Variants in TPRA1 observed in about 807,000 individuals in gnomAD.
TPRA1 encodes the protein transmembrane protein adipocyte associated 1, also known as transmembrane protein adipocyte-associated 1.
Under a neutral mutation model 40.1 loss-of-function variants are expected in TPRA1, and 28 were observed. The ratio of observed to expected loss-of-function variants is 0.70; its 90% CI spans 0.52 to 0.96. The LOEUF is 0.96. Ranked by LOEUF, TPRA1 falls within the 40% of genes least tolerant of loss-of-function variation. The probability of loss-of-function intolerance (pLI) is 0.00; values close to 1 mark genes in which losing one functional copy is unlikely to be tolerated. For synonymous variants in TPRA1, 219 were observed against 209.7 expected, an observed-to-expected ratio of 1.04 and a Z score of -0.38; for missense variants, 441 against 482.6, an observed-to-expected ratio of 0.91 and a Z score of 0.81.
intron 1 of TPRA1, among the ~76,000 whole-genome samples, chr3:127,597,543 G>C (rs2074256453): frequency 1.3e-5 from 2 of 152,210 alleles, no homozygotes; most frequent in African/African-American, 2.4e-5. Context: ...CCTAGGGTTA[G>C]TTCTTAGGGA....
intron 1 of TPRA1, chr3:127,588,008 G>A (rs918361481): frequency 6.6e-6 from 1 of 152,268 alleles, no homozygotes; most frequent in African/African-American, 2.4e-5. Context: ...CTCCAACCCT[G>A]GGAGGGAGGT....
upstream of TPRA1, among the ~76,000 whole-genome samples, chr3:127,594,206 C>T (rs1381189420): frequency 6.6e-6 from 1 of 152,234 alleles, no homozygotes; most frequent in African/African-American, 2.4e-5. Flanking sequence ...CACTCCATCA[C>T]AGAAGAGCAA....
chr3:127,577,451 G>C (rs1576371878), intron 3 of TPRA1, among the ~76,000 whole-genome samples: 1 of 152,324 alleles, frequency 6.6e-6, no homozygotes, highest in Non-Finnish European at 1.5e-5. Flanking sequence ...CTATAAAATG[G>C]GGGCAGAAAC....
chr3:127,585,406 G>A (rs1211370831), intron 1 of TPRA1, among the ~76,000 whole-genome samples: 2 of 152,360 alleles, frequency 1.3e-5, no homozygotes, highest in South Asian at 2.1e-4. Context: ...CAACCAGAAG[G>A]GTGTTACAAG....
intron 1 of TPRA1, among the ~76,000 whole-genome samples, chr3:127,586,082 A>C (rs759726018): frequency 3.3e-5 from 5 of 152,124 alleles, no homozygotes; most frequent in Non-Finnish European, 7.4e-5. Context: ...CCTGGCCAGC[A>C]GTTGGTTGAG....
chr3:127,596,427 G>A (rs1437317065), intron 1 of TPRA1, among the ~76,000 whole-genome samples: 3 of 152,188 alleles, frequency 2.0e-5, no homozygotes, highest in African/African-American at 7.2e-5. Flanking sequence ...AGCCCATGCA[G>A]AGTCTCTTCA....
rs535195999 is a variant in TPRA1 at position 127,586,324 on chromosome 3, C to T, written c.-18+4086G>A. 2.0e-5 allele frequency among the ~76,000 whole-genome samples: 3 copies of T among 152,292 alleles called. No homozygotes were observed. The East Asian group carries it at 5.8e-4, about 29-fold the overall frequency. ...TGAAGGAGGGAGATTCTACAGCCCTCTCCTCCCCACCCCATTATTTATTTA... is the reference window on the plus strand; with the variant it reads ...TGAAGGAGGGAGATTCTACAGCCCTTTCCTCCCCACCCCATTATTTATTTA... On this transcript the variant is annotated intron_variant, in intron 1 of 10. Coordinates refer to ENST00000355552, the MANE Select transcript of TPRA1 (RefSeq NM_001136053.4).
At chr3:127,578,540 T>TC in intron 3 of TPRA1, among the ~76,000 whole-genome samples, 1 of 152,236 alleles carries the variant, frequency 6.6e-6, no homozygotes, top group South Asian at 2.1e-4. Flanking sequence ...CTGCCTGCAC[T>TC]CCCCCTTACC....
At chr3:127,578,449 C>T (rs932940079) in intron 3 of TPRA1, among the ~76,000 whole-genome samples, 3 of 152,218 alleles carry the variant, frequency 2.0e-5, no homozygotes, top group Admixed American at 6.5e-5. Context: ...GCCTCCTGAA[C>T]TCTTTAGGAC....
rs377011200 is a variant in TPRA1 at position 127,577,027 on chromosome 3, G to A, written c.308C>T (p.Thr103Met). 3.2e-5 allele frequency: 52 copies of A among 1,613,646 alleles called. No individual in the cohort carries two copies. Among genetic ancestry groups the A allele is most frequent in the African/African-American group, 5.3e-5 (4 of 74,926 alleles). ...AGTTGCAGCGTTCGAGGTGCTCACC[G>A]TCATGGATACCACGGCCCGGGCAAT... is the stretch of plus-strand genomic sequence containing the variant. ...VGIARAVVSM[T>M]VSTSNAATVA... The change falls in exon 4 of 11, where the codon ACG (threonine) becomes ATG (methionine). Residue 103 changes from threonine to methionine, a missense_variant. Thr to Met is a moderately conservative substitution (Grantham distance 81). Coordinates refer to ENST00000355552, the MANE Select transcript of TPRA1 (RefSeq NM_001136053.4).
At chr3:127,582,752 G>A (rs1299224037) in intron 1 of TPRA1, among the ~76,000 whole-genome samples, 1 of 150,292 alleles carries the variant, frequency 6.7e-6, no homozygotes, top group Non-Finnish European at 1.5e-5. Flanking sequence ...TGTAATCCCA[G>A]CACTTTGGGA....
Position 127,576,573 on chromosome 3 carries a change from G to A in TPRA1, c.498+44C>T, listed in dbSNP as rs929279192. On this transcript the variant is annotated intron_variant, in intron 6 of 10. Coordinates refer to ENST00000355552, the MANE Select transcript of TPRA1 (RefSeq NM_001136053.4). The surrounding 1 kb of genome is among the most constrained non-coding windows in gnomAD (Gnocchi z 4.6). ...CAGACCCAGAAGCAGTGGGTGCCTGGTGCCCTGACTCCTAGCGTCCCCTGC... is the reference window on the plus strand; with the variant it reads ...CAGACCCAGAAGCAGTGGGTGCCTGATGCCCTGACTCCTAGCGTCCCCTGC... 6 of 1,530,362 alleles carry A rather than the reference G, an allele frequency of 3.9e-6. No homozygotes were observed. The African/African-American group carries it at 8.2e-5, about 21-fold the overall frequency. 94.8% of individuals were successfully genotyped at this position (1,530,362 alleles called of 1,614,324 possible).
At chr3:127,591,190 C>G (rs1396647650), upstream of TPRA1, 4 of 152,202 alleles carry the variant, frequency 2.6e-5, no homozygotes, top group Non-Finnish European at 5.9e-5. Context: ...TGGGGGAAGG[C>G]GTGTCGGGGA....
Position 127,572,294 on chromosome 3 carries a change from G to A in TPRA1, c.*1227C>T, listed in dbSNP as rs2073398671. On this transcript the variant is annotated 3_prime_UTR_variant, in exon 11 of 11. Transcript: ENST00000355552. ...GATCCTCAGGGTCCCCACAGCCAGGGCTGAGACCTCCCCAGGCTCTGAAGC... is the reference window on the plus strand; with the variant it reads ...GATCCTCAGGGTCCCCACAGCCAGGACTGAGACCTCCCCAGGCTCTGAAGC... Among the ~76,000 whole-genome samples the A allele has an allele frequency of 6.6e-6, 1 of 152,226 alleles. No individual in the cohort carries two copies. The highest frequency in any genetic ancestry group is 6.5e-5 in the Admixed American group (1 of 15,282).
rs2107610698 is a variant in TPRA1 at position 127,571,719 on chromosome 3, C to T, written c.*1802G>A. On this transcript the variant is annotated 3_prime_UTR_variant, in exon 11 of 11. Transcript: ENST00000355552. ...GACCCTGGGTGCTTCAGGAGGGGGACAGAGGAATTCAGTGCCACACAGGGA... is the reference window on the plus strand; with the variant it reads ...GACCCTGGGTGCTTCAGGAGGGGGATAGAGGAATTCAGTGCCACACAGGGA... 1 of 152,246 alleles carries T rather than the reference C, an allele frequency of 6.6e-6. No homozygotes were observed. Among genetic ancestry groups the T allele is most frequent in the African/African-American group, 2.4e-5 (1 of 41,540 alleles). 9.4% of individuals were successfully genotyped at this position (152,246 alleles called of 1,614,324 possible). A position where few individuals can be genotyped will look rare whatever the true frequency, so the allele number is the denominator to read the frequency against.
intron 3 of TPRA1, 38 bp downstream of exon 3, chr3:127,579,695 TAACCCAG>T (rs1576375784): frequency 6.2e-7 from 1 of 1,604,934 alleles, no homozygotes; most frequent in Admixed American, 1.7e-5. Context: ...CCTTTTTGTT[TAACCCAG>T]TTGGAGTTGG....
upstream of TPRA1, among the ~76,000 whole-genome samples, chr3:127,594,289 C>T (rs2074221565): frequency 6.6e-6 from 1 of 152,166 alleles, no homozygotes; most frequent in Non-Finnish European, 1.5e-5. Flanking sequence ...CTCTGACCCA[C>T]ATATCTCTGG....
intron 3 of TPRA1, among the ~76,000 whole-genome samples, chr3:127,579,230 TGGG>T (rs1223640407): frequency 6.6e-6 from 1 of 152,218 alleles, no homozygotes; most frequent in African/African-American, 2.4e-5. Context: ...AATGGACAGA[TGGG>T]GGACGAATGG....
intron 3 of TPRA1, 78 bp from the exon 4 acceptor site, chr3:127,577,154 A>G: frequency 7.0e-7 from 1 of 1,435,232 alleles, no homozygotes; most frequent in Non-Finnish European, 9.8e-7. Flanking sequence ...CCACCCCCAT[A>G]TCTACAGGAG....
Sources: gnomAD v4.1 joint callset for allele counts (sites outside exome capture counted in the v4.1 genomes callset) on GRCh38, gnomAD v4.1.1 for gene constraint, Gnocchi (gnomAD v3.1) non-coding constraint, MANE v1.5 for transcripts, NCBI Gene and HGNC (gene_info 2026-07-23, HGNC 2026-07-21) for gene names.